Variants in DSG2 observed in about 807,000 individuals in gnomAD.
The protein encoded by DSG2 is desmoglein-2.
A neutral mutation model predicts 75.6 loss-of-function variants in DSG2; 45 were observed. That is an observed-to-expected ratio of 0.60 (90% CI 0.47 to 0.76). The LOEUF is 0.76. DSG2 is among the 30% of genes least tolerant of loss of function. The probability of loss-of-function intolerance (pLI) is 0.00; values close to 1 mark genes in which losing one functional copy is unlikely to be tolerated. For missense variants in DSG2, 1,267 were observed against 1,357.4 expected, an observed-to-expected ratio of 0.93 and a Z score of 1.05; for synonymous variants, 429 against 483.9, an observed-to-expected ratio of 0.89 and a Z score of 1.49.
intron 8 of DSG2, among the ~76,000 whole-genome samples, chr18:31,527,422 CA>C (rs2073168981): frequency 6.6e-6 from 1 of 150,872 alleles, no homozygotes; most frequent in African/African-American, 2.4e-5. Context: ...TATGATAGCA[CA>C]AAAAAAGGGA....
At chr18:31,514,838 A>G (rs996896810) in intron 1 of DSG2, among the ~76,000 whole-genome samples, 31 of 152,232 alleles carry the variant, frequency 2.0e-4, no homozygotes, top group African/African-American at 7.0e-4. Context: ...AAAATCAGTG[A>G]AGATGCTCAT....
chr18:31,498,243 G>T lies in DSG2; in HGVS notation c.-9G>T. The T allele has an allele frequency of 8.0e-7, 1 of 1,255,814 alleles. No individual in the cohort carries two copies. Among genetic ancestry groups the T allele is most frequent in the Non-Finnish European group, 1.0e-6 (1 of 996,854 alleles). The allele number at this position is 1,255,814 out of a possible 1,614,324, so 77.8% of individuals were successfully genotyped here. On this transcript the variant is annotated 5_prime_UTR_variant, in exon 1 of 15. Transcript: ENST00000261590. ...CGGTGCGGCGGCGGGAGGCGGAGGC[G>T]AGGGTGCGATGGCGCGGAGCCCGGG...
At chr18:31,519,113 C>G (rs2073111754) in intron 2 of DSG2, among the ~76,000 whole-genome samples, 1 of 152,150 alleles carries the variant, frequency 6.6e-6, no homozygotes, top group African/African-American at 2.4e-5. Context: ...CAAACCACCA[C>G]AGAAAAATGA....
At chr18:31,522,969 G>C (rs1452039661) in intron 6 of DSG2, among the ~76,000 whole-genome samples, 1 of 152,154 alleles carries the variant, frequency 6.6e-6, no homozygotes, top group African/African-American at 2.4e-5. Flanking sequence ...AAATAAAAAG[G>C]GGAGATAGAA....
Position 31,545,949 on chromosome 18 carries a change from C to G in DSG2, c.2563C>G (p.Gln855Glu). The change falls in exon 15 of 15, where the codon CAA becomes GAA. Residue 855 changes from glutamine (Q) to glutamate (E), a missense_variant. Transcript: ENST00000261590. ...TATAAATAAGGAAATTGAGCAGAGA[C>G]AAAAACCTGCCACAGAAACAAGTAT... ...IDINKEIEQR[Q>E]KPATETSMNT... 6.2e-7 allele frequency: 1 copy of G among 1,613,964 alleles called. No individual in the cohort carries two copies.
Position 31,546,254 on chromosome 18 carries a change from C to T in DSG2, c.2868C>T (p.Ser956=), listed in dbSNP as rs2144360449. ...CAACCACTGTGATCCTGGGTCCTAG[C>T]CAGCCACAGAGCCTTATTGTGACAG... ...MPPTTVILGP[S]QPQSLIVTER... is the part of the protein sequence containing the mutation. Residue 956 remains serine, a synonymous_variant, in exon 15 of 15, where the codon AGC becomes AGT. Coordinates refer to ENST00000261590, the MANE Select transcript of DSG2 (RefSeq NM_001943.5). 1 of 1,606,132 alleles carries T rather than the reference C, an allele frequency of 6.2e-7. No homozygotes were observed. The highest frequency in any genetic ancestry group is 8.5e-7 in the Non-Finnish European group (1 of 1,175,700).
chr18:31,535,820 G>A (rs2073226627), intron 10 of DSG2, among the ~76,000 whole-genome samples: 2 of 151,806 alleles, frequency 1.3e-5, no homozygotes, highest in African/African-American at 2.4e-5. Flanking sequence ...ACAGTTGCTT[G>A]TGTCTGTAGT....
chr18:31,514,613 A>G (rs981182016), intron 1 of DSG2, among the ~76,000 whole-genome samples: 1 of 152,210 alleles, frequency 6.6e-6, no homozygotes, highest in Admixed American at 6.5e-5. Flanking sequence ...TTGCTCCTCA[A>G]AATTTGGTCT....
chr18:31,501,085 C>T (rs1224314317), intron 1 of DSG2, among the ~76,000 whole-genome samples: 1 of 152,100 alleles, frequency 6.6e-6, no homozygotes, highest in Non-Finnish European at 1.5e-5. Flanking sequence ...AGATCTTTTA[C>T]TTAATATGTT....
chr18:31,521,125 A>AGG lies in DSG2; in HGVS notation c.406_407dup (p.Asn137GlufsTer4). The AGG allele has an allele frequency of 6.2e-7, 1 of 1,614,060 alleles. No homozygotes were observed. The highest frequency in any genetic ancestry group is 1.1e-5 in the South Asian group (1 of 91,076). ...TAACAGGTTACGCTTTGGATGCAAG[A>AGG]GGAAACAATGTAGAGAAACCCTTAG... is the stretch of plus-strand genomic sequence containing the variant. On this transcript the variant is annotated frameshift_variant, in exon 5 of 15. Coordinates refer to ENST00000261590, the MANE Select transcript of DSG2 (RefSeq NM_001943.5). LOFTEE classifies it high-confidence loss of function.
intron 2 of DSG2, among the ~76,000 whole-genome samples, chr18:31,518,534 CG>C (rs2073107565): frequency 6.6e-6 from 1 of 152,038 alleles, no homozygotes; most frequent in African/African-American, 2.4e-5. Context: ...GAATGAAAAT[CG>C]GGGCAAAATA....
chr18:31,499,237 T>G (rs73414289), intron 1 of DSG2, among the ~76,000 whole-genome samples: 12,877 of 152,226 alleles, frequency 0.085, 1,429 homozygotes, highest in African/African-American at 0.26. Context: ...AGATGCAAAA[T>G]CATACTCAGT....
intron 8 of DSG2, 21 bp from the exon 9 acceptor site, chr18:31,530,966 C>T: frequency 6.2e-7 from 1 of 1,612,642 alleles, no homozygotes; most frequent in Non-Finnish European, 8.5e-7. Flanking sequence ...GAAAAGAATT[C>T]CCTTTGGTTT....
At position 31,521,137 on chromosome 18, in the gene DSG2, A is replaced by G; in HGVS notation, c.417A>G (p.Val139=). Residue 139 remains valine (V), a synonymous_variant, in exon 5 of 15, where the codon GTA becomes GTG. Coordinates refer to ENST00000261590, the MANE Select transcript of DSG2 (RefSeq NM_001943.5). ...CTTTGGATGCAAGAGGAAACAATGTAGAGAAACCCTTAGAGCTACGCATTA... is the reference window on the plus strand; with the variant it reads ...CTTTGGATGCAAGAGGAAACAATGTGGAGAAACCCTTAGAGCTACGCATTA... ...GYALDARGNN[V]EKPLELRIKV... The G allele has an allele frequency of 1.2e-6, 2 of 1,614,080 alleles. No individual in the cohort carries two copies. The highest frequency in any genetic ancestry group is 1.7e-4 in the Middle Eastern group (1 of 6,058).
rs2073322306 is a variant in DSG2, at chr18:31,547,502, C to G, written c.*759C>G. The G allele has an allele frequency of 6.6e-6, 1 of 152,094 alleles. No individual in the cohort carries two copies. The highest frequency in any genetic ancestry group is 2.4e-5 in the African/African-American group (1 of 41,340). The allele number at this position is 152,094 out of a possible 1,614,324, so 9.4% of individuals were successfully genotyped here. The stretch of plus-strand genomic sequence containing the variant: ...GATCAGCCAGGCCAACCTGGTGAAA[C>G]CCCGTCTCTACTAAAAATACAAAAA... On this transcript the variant is annotated 3_prime_UTR_variant, in exon 15 of 15. Transcript: ENST00000261590.
At chr18:31,523,808 A>T (rs1157789988) in intron 6 of DSG2, among the ~76,000 whole-genome samples, 1 of 152,238 alleles carries the variant, frequency 6.6e-6, no homozygotes, top group Non-Finnish European at 1.5e-5. Flanking sequence ...GTAAGTGACG[A>T]TGCCAGAATT....
intron 12 of DSG2, among the ~76,000 whole-genome samples, chr18:31,539,486 A>G (rs148025418): frequency 2.0e-5 from 3 of 152,266 alleles, no homozygotes; most frequent in Admixed American, 1.3e-4. Flanking sequence ...GTCAGCACCA[A>G]AAGTAGGCAG....
chr18:31,506,972 G>T (rs2073042071), intron 1 of DSG2, among the ~76,000 whole-genome samples: 1 of 151,910 alleles, frequency 6.6e-6, no homozygotes, highest in African/African-American at 2.4e-5. Flanking sequence ...TACATGTGCA[G>T]AACGTGCAGG....
intron 14 of DSG2, among the ~76,000 whole-genome samples, chr18:31,544,416 G>A (rs2073290832): frequency 6.6e-6 from 1 of 151,956 alleles, no homozygotes; most frequent in South Asian, 2.1e-4. Context: ...AAATTTGTGG[G>A]GTACTACTAA....
Sources: allele counts gnomAD v4.1 joint callset (sites outside exome capture counted in the v4.1 genomes callset), GRCh38; gene constraint gnomAD v4.1.1; transcripts MANE v1.5; gene names NCBI Gene and HGNC (gene_info 2026-07-23, HGNC 2026-07-21).